USP47: variants seen among roughly 807,000 people sequenced by gnomAD.
The protein encoded by USP47 is ubiquitin carboxyl-terminal hydrolase 47.
Under a neutral mutation model 165.1 loss-of-function variants are expected in USP47, and 35 were observed. The ratio of observed to expected loss-of-function variants is 0.21; its 90% CI spans 0.16 to 0.28. USP47 has a LOEUF of 0.28. Ranked by LOEUF, USP47 falls within the 10% of genes least tolerant of loss-of-function variation. The pLI, the probability that USP47 is intolerant of heterozygous loss-of-function variation, is 1.00. For missense variants in USP47, 1,277 were observed against 1,607.4 expected, an observed-to-expected ratio of 0.79 and a Z score of 3.52; for synonymous variants, 531 against 544.5, an observed-to-expected ratio of 0.98 and a Z score of 0.35.
chr11:11,844,397 G>C (rs1269358325), intron 1 of USP47, among the ~76,000 whole-genome samples: 1 of 152,120 alleles, frequency 6.6e-6, no homozygotes, highest in East Asian at 1.9e-4. Flanking sequence ...TTAAACAGTA[G>C]TAGAATCATA....
intron 3 of USP47, chr11:11,884,827 A>G: frequency 3.2e-6 from 1 of 313,466 alleles, no homozygotes; most frequent in Non-Finnish European, 5.9e-6. Context: ...TGTCTTCAAG[A>G]CCACTGCCAC....
At chr11:11,876,944 C>A (rs1367036669) in intron 1 of USP47, among the ~76,000 whole-genome samples, 3 of 152,048 alleles carry the variant, frequency 2.0e-5, no homozygotes, top group Non-Finnish European at 4.4e-5. Context: ...TTTTTGCTAT[C>A]TTTAATCCAC....
intron 2 of USP47, among the ~76,000 whole-genome samples, chr11:11,881,583 T>A (rs559467137): frequency 2.6e-5 from 4 of 152,200 alleles, no homozygotes; most frequent in African/African-American, 9.6e-5. Context: ...CTGTCTGTTT[T>A]CTATTTTTTA....
intron 24 of USP47, chr11:11,952,301 A>G (rs1278220621): frequency 6.6e-6 from 1 of 152,356 alleles, no homozygotes; most frequent in Non-Finnish European, 1.5e-5. Context: ...GACATAATGG[A>G]AAAGTGACAA....
intron 23 of USP47, 27 bp from the exon 24 acceptor site, chr11:11,950,337 G>A (rs552425441): frequency 1.7e-5 from 24 of 1,446,002 alleles, no homozygotes; most frequent in Middle Eastern, 1.8e-4. Flanking sequence ...AATTATAGTC[G>A]TTTTAAATGT....
intron 20 of USP47, among the ~76,000 whole-genome samples, chr11:11,945,502 A>G (rs1344465453): frequency 6.6e-6 from 1 of 152,212 alleles, no homozygotes; most frequent in Non-Finnish European, 1.5e-5. Flanking sequence ...ATTACAGATC[A>G]TTCTCTGAGA....
intron 6 of USP47, 124 bp downstream of exon 6, chr11:11,902,984 A>G (rs1327137948): frequency 2.7e-6 from 3 of 1,093,498 alleles, no homozygotes; most frequent in East Asian, 5.4e-5. Flanking sequence ...GTTTGTTGTC[A>G]TATATTTTCT....
chr11:11,880,703 C>T (rs1039524556), intron 2 of USP47, among the ~76,000 whole-genome samples: 10 of 151,622 alleles, frequency 6.6e-5, no homozygotes, highest in African/African-American at 7.3e-5. Flanking sequence ...TATATTATTC[C>T]GTGAAAAAAG....
chr11:11,911,294 C>A (rs1212288049), intron 8 of USP47, among the ~76,000 whole-genome samples: 1 of 152,144 alleles, frequency 6.6e-6, no homozygotes, highest in Non-Finnish European at 1.5e-5. Flanking sequence ...AGGTGTAACA[C>A]TTGTGTCATT....
rs375650075 is a variant in USP47 at position 11,892,136 on chromosome 11, T to G, written c.496+30T>G. 1.4e-5 allele frequency: 22 copies of G among 1,601,864 alleles called. No individual in the cohort carries two copies. In the African/African-American group the frequency reaches 3.0e-4, roughly 22 times the overall value. On this transcript the variant is annotated intron_variant, in intron 4 of 27. Transcript: ENST00000527733. ...GATTTGTTGTATTTTCATAAAATCA[T>G]AGGGCATTAGATCCAAAGTAATCTT...
intron 25 of USP47, 107 bp from the exon 26 acceptor site, chr11:11,954,790 A>C: frequency 7.7e-7 from 1 of 1,294,338 alleles, no homozygotes; most frequent in Non-Finnish European, 1.1e-6. Context: ...TTTTACATGA[A>C]ACATTTTTTA....
intron 8 of USP47, among the ~76,000 whole-genome samples, chr11:11,914,210 A>T (rs2134543100): frequency 6.6e-6 from 1 of 152,238 alleles, no homozygotes; most frequent in South Asian, 2.1e-4. Context: ...GGGGTAGGCA[A>T]ATAGATCCGT....
At chr11:11,922,370 A>T (rs1853900120) in intron 10 of USP47, among the ~76,000 whole-genome samples, 1 of 151,954 alleles carries the variant, frequency 6.6e-6, no homozygotes, top group Non-Finnish European at 1.5e-5. Context: ...GAACACCAGA[A>T]GCTCATTTTG....
chr11:11,918,964 G>T (rs1853627316), intron 8 of USP47, among the ~76,000 whole-genome samples: 1 of 151,594 alleles, frequency 6.6e-6, no homozygotes, highest in African/African-American at 2.4e-5. Context: ...ATGCCTGAGA[G>T]GGAAAAAAAA....
chr11:11,948,425 G>C, intron 21 of USP47, 53 bp from the exon 22 acceptor site: 11 of 1,462,864 alleles, frequency 7.5e-6, no homozygotes, highest in Middle Eastern at 3.5e-4. Flanking sequence ...GATGAGAATG[G>C]GTTGTTTATT....
At chr11:11,866,323 G>A (rs1475079558) in intron 1 of USP47, among the ~76,000 whole-genome samples, 1 of 152,176 alleles carries the variant, frequency 6.6e-6, no homozygotes, top group East Asian at 1.9e-4. Context: ...GTCAGGATAA[G>A]ACTCAAGGCT....
chr11:11,896,060 A>G (rs1481583279), intron 4 of USP47, among the ~76,000 whole-genome samples: 2 of 152,188 alleles, frequency 1.3e-5, no homozygotes, highest in African/African-American at 4.8e-5. Context: ...TGTCACCAAA[A>G]TCGTCATACT....
chr11:11,955,347 AAAG>A (rs1026641504), intron 27 of USP47, among the ~76,000 whole-genome samples, 183 bp downstream of exon 27: 1 of 152,230 alleles, frequency 6.6e-6, no homozygotes. Context: ...AAAACAATAA[AAAG>A]AAACAGGTGA....
At chr11:11,866,960 C>T (rs995743457) in intron 1 of USP47, among the ~76,000 whole-genome samples, 3 of 151,972 alleles carry the variant, frequency 2.0e-5, no homozygotes, top group African/African-American at 4.8e-5. Flanking sequence ...CTCAATGGTG[C>T]GATCTTGGCT....
Sources: gnomAD v4.1 joint callset for allele counts (sites outside exome capture counted in the v4.1 genomes callset) on GRCh38, gnomAD v4.1.1 for gene constraint, MANE v1.5 for transcripts, NCBI Gene and HGNC (gene_info 2026-07-23, HGNC 2026-07-21) for gene names.